The following CMIP variants were observed in gnomAD, a reference collection of about 807,000 sequenced individuals.
CMIP encodes C-Maf-inducing protein.
A neutral mutation model predicts 97.3 loss-of-function variants in CMIP; 13 were observed. The observed-to-expected ratio is 0.13, with a 90% CI of 0.09 to 0.21. The LOEUF (loss-of-function observed/expected upper bound fraction) is 0.21, where lower values mean the gene tolerates loss of function less well. CMIP is among the 10% of genes least tolerant of loss of function. The pLI is 1.00. For missense variants in CMIP, 847 were observed against 1,024.9 expected (o/e 0.83, Z 2.37); for synonymous variants, 538 against 436.3 (o/e 1.23, Z -2.91).
At chr16:81,708,378 C>CTCGT (rs991971104) in intron 20 of CMIP, among the ~76,000 whole-genome samples, 56 of 152,352 alleles carry the variant, frequency 3.7e-4, no homozygotes, top group African/African-American at 1.3e-3. Context: ...TCTGGGCACA[C>CTCGT]TCGTGTTTGA....
In CMIP at chr16:81,599,065, G is replaced by A. The variant is rs371030500; in HGVS notation, c.301-8502G>A. On this transcript the variant is annotated intron_variant, in intron 1 of 20. Transcript: ENST00000537098. ...TGTCAGCAAAAAGAACTGGTCAGTC[G>A]GCGTCTGGAGAATGGTTGGAGAAAC... Among the ~76,000 whole-genome samples the A allele has an allele frequency of 1.8e-4, 28 of 151,836 alleles. No individual in the cohort carries two copies. In the East Asian group the frequency reaches 1.9e-3, roughly 10 times the overall value.
At chr16:81,702,782 C>T in intron 17 of CMIP, 113 bp downstream of exon 17, 1 of 905,828 alleles carries the variant, frequency 1.1e-6, no homozygotes, top group Non-Finnish European at 1.8e-6. Flanking sequence ...GAGGGCGGGG[C>T]ACAAGGACCC....
Position 81,663,029 on chromosome 16 carries a change from T to C in CMIP, c.745-1240T>C, listed in dbSNP as rs78222970. ...CCTATGTGTACCATCTGAAATAGTC[T>C]CAAGCTTTAAGGTCAAAACCAAACA... On this transcript the variant is annotated intron_variant, in intron 6 of 20. Coordinates refer to ENST00000537098, the MANE Select transcript of CMIP (RefSeq NM_198390.3). Among the ~76,000 whole-genome samples, 345 of 151,826 alleles carry C rather than the reference T, an allele frequency of 2.3e-3. 1 individual carries two copies. Among genetic ancestry groups the C allele is most frequent in the African/African-American group, 7.5e-3 (311 of 41,354 alleles).
At chr16:81,534,788 C>T (rs2090309835) in intron 1 of CMIP, among the ~76,000 whole-genome samples, 1 of 152,204 alleles carries the variant, frequency 6.6e-6, no homozygotes, top group Non-Finnish European at 1.5e-5. Flanking sequence ...TGTTATCATT[C>T]ACTCAATAGT....
intron 1 of CMIP, among the ~76,000 whole-genome samples, chr16:81,522,380 C>T (rs2090045626): frequency 6.6e-6 from 1 of 152,194 alleles, no homozygotes; most frequent in African/African-American, 2.4e-5. Context: ...ATGCAGTGCC[C>T]AGTAGAGTTC....
At chr16:81,549,217 G>T (rs1239577957) in intron 1 of CMIP, among the ~76,000 whole-genome samples, 1 of 152,210 alleles carries the variant, frequency 6.6e-6, no homozygotes, top group Non-Finnish European at 1.5e-5. Flanking sequence ...CAACCTGCAG[G>T]AGCACCTGGG....
chr16:81,575,673 G>T (rs1208010435), intron 1 of CMIP, among the ~76,000 whole-genome samples: 4 of 152,210 alleles, frequency 2.6e-5, no homozygotes, highest in African/African-American at 9.6e-5. Context: ...CGGGACAGCA[G>T]TGACATTGTA....
At chr16:81,670,035 AG>A in intron 7 of CMIP, 106 bp from the exon 8 acceptor site, 1 of 1,042,016 alleles carries the variant, frequency 9.6e-7, no homozygotes, top group East Asian at 2.7e-5. Context: ...CCACATCAAC[AG>A]CTCCAGGCAG....
intron 1 of CMIP, among the ~76,000 whole-genome samples, chr16:81,488,485 T>C (rs563431250): frequency 6.6e-6 from 1 of 152,316 alleles, no homozygotes; most frequent in South Asian, 2.1e-4. Flanking sequence ...ATCATTGTAG[T>C]CATCCACTCA....
rs139896978 is a variant in CMIP, at chr16:81,458,786, A to G, written c.300+13245A>G. 1.6e-4 allele frequency among the ~76,000 whole-genome samples: 24 copies of G among 152,268 alleles called. No homozygotes were observed. In the East Asian group the frequency reaches 4.6e-3, roughly 29 times the overall value. On this transcript the variant is annotated intron_variant, in intron 1 of 20. Transcript: ENST00000537098. ...TAACCAGTGGTGTGATCCAGCTCTC[A>G]GTTTCCTCATCTGAAAGCTGGGGAT...
intron 1 of CMIP, among the ~76,000 whole-genome samples, chr16:81,504,635 T>C (rs1390443024): frequency 1.0e-5 from 1 of 95,990 alleles, no homozygotes; most frequent in Non-Finnish European, 1.9e-5. Flanking sequence ...AGAGTGAGAC[T>C]CGTCTCAAAA....
intron 11 of CMIP, among the ~76,000 whole-genome samples, 182 bp downstream of exon 11, chr16:81,692,022 T>A (rs1364963535): frequency 6.6e-6 from 1 of 152,170 alleles, no homozygotes; most frequent in African/African-American, 2.4e-5. Flanking sequence ...GAGGCACATC[T>A]TCCCTCAGAA....
chr16:81,704,035 C>T lies in CMIP; in HGVS notation c.2041C>T (p.His681Tyr). 6.2e-7 allele frequency: 1 copy of T among 1,606,118 alleles called. No individual in the cohort carries two copies. The highest frequency in any genetic ancestry group is 8.5e-7 in the Non-Finnish European group (1 of 1,176,940). ...FTNVTSACAE[H>Y]LIKLPSLKQL... ...CAATGTAACCAGTGCCTGCGCCGAG[C>T]ACCTCATCAAACTGCCTTCGCTCAA... is the stretch of plus-strand genomic sequence containing the variant. Residue 681 changes from histidine to tyrosine, a missense_variant, in exon 18 of 21, where the codon CAC (histidine) becomes TAC (tyrosine). By Grantham distance (83) the His-to-Tyr change is moderately conservative (BLOSUM62 2). Coordinates refer to ENST00000537098, the MANE Select transcript of CMIP (RefSeq NM_198390.3).
chr16:81,612,323 G>A (rs1360150519), intron 2 of CMIP, among the ~76,000 whole-genome samples: 1 of 152,192 alleles, frequency 6.6e-6, no homozygotes, highest in East Asian at 1.9e-4. Context: ...AAGAGTGTCT[G>A]CTTCTTTCGG....
chr16:81,500,484 T>TC (rs1227783302), intron 1 of CMIP, among the ~76,000 whole-genome samples: 6 of 136,342 alleles, frequency 4.4e-5, no homozygotes, highest in Non-Finnish European at 1.6e-5. Context: ...CCCCCTTTTC[T>TC]TTCTTTCTTT....
intron 9 of CMIP, among the ~76,000 whole-genome samples, chr16:81,673,837 C>G (rs1398960640): frequency 6.6e-6 from 1 of 152,198 alleles, no homozygotes; most frequent in Non-Finnish European, 1.5e-5. Context: ...CCCAGTTGTT[C>G]AGGTGGTACA....
chr16:81,686,361 G>C lies in CMIP; in HGVS notation c.1389-5414G>C, dbSNP rs111817381. ...CCTGACATGCACACGACAGGCCTCA[G>C]GCTCCTGCAGCTCTGAGAACCCCAG... On this transcript the variant is annotated intron_variant, in intron 10 of 20. Transcript: ENST00000537098. 5.0e-3 allele frequency among the ~76,000 whole-genome samples: 765 copies of C among 152,308 alleles called. 10 individuals carry two copies. Among genetic ancestry groups the C allele is most frequent in the African/African-American group, 0.018 (733 of 41,570 alleles).
chr16:81,579,517 T>A (rs4889345), intron 1 of CMIP, among the ~76,000 whole-genome samples: 10,525 of 152,120 alleles, frequency 0.069, 466 homozygotes, highest in East Asian at 0.22. Flanking sequence ...TGCCAGGCCC[T>A]TTCTTGGTTG....
At chr16:81,488,528 C>T (rs1046089833) in intron 1 of CMIP, among the ~76,000 whole-genome samples, 1 of 152,224 alleles carries the variant, frequency 6.6e-6, no homozygotes, top group African/African-American at 2.4e-5. Context: ...TTGGCCTCCT[C>T]TGTGTCTGGT....
Sources: allele counts gnomAD v4.1 joint callset (sites outside exome capture counted in the v4.1 genomes callset), GRCh38; gene constraint gnomAD v4.1.1; transcripts MANE v1.5; gene names NCBI Gene and HGNC (gene_info 2026-07-23, HGNC 2026-07-21).